The following SPTBN2 variants were observed in gnomAD, a reference collection of about 807,000 sequenced individuals.
The protein encoded by SPTBN2 is spectrin beta chain, non-erythrocytic 2.
In SPTBN2, 107 loss-of-function variants were observed where a neutral mutation model predicts 284.2. That is an observed-to-expected ratio of 0.38 (90% CI 0.32 to 0.44). The LOEUF (loss-of-function observed/expected upper bound fraction) is 0.44. Ranked by LOEUF, SPTBN2 falls within the 20% of genes least tolerant of loss-of-function variation. SPTBN2 has a pLI of 1.00. For synonymous variants in SPTBN2, 1,289 were observed against 1,354.8 expected (o/e 0.95, Z 1.07); for missense variants, 2,569 against 3,287.1 (o/e 0.78, Z 5.34).
Position 66,700,702 on chromosome 11 carries a change from G to C in SPTBN2, c.3397C>G (p.Arg1133Gly), listed in dbSNP as rs200427839. The change falls in exon 17 of 38, where the codon CGG becomes GGG. Residue 1133 changes from arginine to glycine, a missense_variant. Arg to Gly is a moderately radical substitution (Grantham distance 125). Coordinates refer to ENST00000533211, the MANE Select transcript of SPTBN2 (RefSeq NM_006946.4). The surrounding 1 kb of genome is among the most constrained non-coding windows in gnomAD (Gnocchi z 6.6). Reference sequence around the variant, plus strand: ...AGGCACTGGGGGTCAGCCTGGTCCCGGGTCACCTCCTCGCCCAGGGCTCGC... The same window carrying C: ...AGGCACTGGGGGTCAGCCTGGTCCCCGGTCACCTCCTCGCCCAGGGCTCGC... ...RLRALGEEVT[R>G]DQADPQCLFL... The C allele has an allele frequency of 6.2e-7, 1 of 1,605,386 alleles. No individual in the cohort carries two copies.
In SPTBN2 at chr11:66,701,726, G is replaced by A; in HGVS notation, c.2679-5C>T. Reference sequence around the variant, plus strand: ...TCAGGCTCCAGGGTCTCGAACCTGAGAGGGTGGAAGAGCCAGGCGTGAATT... The same window carrying A: ...TCAGGCTCCAGGGTCTCGAACCTGAAAGGGTGGAAGAGCCAGGCGTGAATT... On this transcript the variant is annotated splice_polypyrimidine_tract_variant and splice_region_variant and intron_variant, in intron 15 of 37. Transcript: ENST00000533211. 1 of 1,614,106 alleles carries A rather than the reference G, an allele frequency of 6.2e-7. No homozygotes were observed. The highest frequency in any genetic ancestry group is 8.5e-7 in the Non-Finnish European group (1 of 1,180,034).
chr11:66,691,136 G>A lies in SPTBN2; in HGVS notation c.5565+148C>T. The A allele has an allele frequency of 8.0e-7, 1 of 1,242,826 alleles. No homozygotes were observed. Among genetic ancestry groups the A allele is most frequent in the East Asian group, 2.5e-5 (1 of 39,570 alleles). The allele number at this position is 1,242,826 out of a possible 1,614,324, so 77.0% of individuals were successfully genotyped here. ...CTGGCCAAACAGAGATGTTTTCTTG[G>A]AGCAATTTCCTCATCTCGAAATGGC... is the stretch of plus-strand genomic sequence containing the variant. On this transcript the variant is annotated intron_variant, in intron 27 of 37. Coordinates refer to ENST00000533211, the MANE Select transcript of SPTBN2 (RefSeq NM_006946.4). This position sits in a 1 kb window ranked among gnomAD's most constrained non-coding sequence, Gnocchi z 8.0.
Position 66,687,503 on chromosome 11 carries a change from A to G in SPTBN2, c.6646T>C (p.Ser2216Pro), listed in dbSNP as rs572092639. 1 of 1,611,724 alleles carries G rather than the reference A, an allele frequency of 6.2e-7. No homozygotes were observed. The highest frequency in any genetic ancestry group is 1.3e-5 in the African/African-American group (1 of 75,006). The change falls in exon 35 of 38, where the codon TCT becomes CCT. Residue 2216 changes from serine (S) to proline (P), a missense_variant. Physicochemically the swap from Ser to Pro is moderately conservative, Grantham distance 74 (BLOSUM62 -1). Coordinates refer to ENST00000533211, the MANE Select transcript of SPTBN2 (RefSeq NM_006946.4). This position sits in a 1 kb window ranked among gnomAD's most constrained non-coding sequence, Gnocchi z 5.2. ...ATCCCCTCCATCTGCTCCTGGGCAG[A>G]TGGCTCTGGGCCTCGAGGCGGCAGG... ...ATLPPRGPEP[S>P]AQEQMEGMLC...
intron 20 of SPTBN2, among the ~76,000 whole-genome samples, chr11:66,697,972 G>A (rs759009004): frequency 1.3e-5 from 2 of 152,178 alleles, no homozygotes; most frequent in African/African-American, 4.8e-5. Flanking sequence ...GTGTCTTTTC[G>A]TAGACCCTGC....
rs745791945 is a variant in SPTBN2, at chr11:66,687,848, A to G, written c.6501+20T>C. 1.9e-6 allele frequency: 3 copies of G among 1,613,588 alleles called. No homozygotes were observed. The highest frequency in any genetic ancestry group is 1.7e-5 in the Admixed American group (1 of 59,986). On this transcript the variant is annotated intron_variant, in intron 34 of 37. Transcript: ENST00000533211. This position sits in a 1 kb window ranked among gnomAD's most constrained non-coding sequence, Gnocchi z 5.2. ...CCTTCGCCTCACAGTTATCAACACC[A>G]CACTTGCAGGGGAACTCACCGGCCC...
rs1397765824 is a variant in SPTBN2 at position 66,700,742 on chromosome 11, G to A, written c.3357C>T (p.Ser1119=). ...ALRGEVERAQ[S]EYSRLRALGE... is the part of the protein sequence containing the mutation. ...CCAGGGCTCGCAGCCGGCTATACTC[G>A]CTCTGGGCCCGCTCCACCTCTCCCC... Residue 1119 remains serine (S), a synonymous_variant, in exon 17 of 38, where the codon AGC becomes AGT. Coordinates refer to ENST00000533211, the MANE Select transcript of SPTBN2 (RefSeq NM_006946.4). This position sits in a 1 kb window ranked among gnomAD's most constrained non-coding sequence, Gnocchi z 6.6. 1 of 1,602,972 alleles carries A rather than the reference G, an allele frequency of 6.2e-7. No homozygotes were observed. The highest frequency in any genetic ancestry group is 8.5e-7 in the Non-Finnish European group (1 of 1,179,778).
At chr11:66,688,898 G>A in intron 30 of SPTBN2, 49 bp from the exon 31 acceptor site, 1 of 1,602,590 alleles carries the variant, frequency 6.2e-7, no homozygotes, top group Non-Finnish European at 8.5e-7. Context: ...AGTGGCCACT[G>A]GCAGGGCACA....
In SPTBN2 at chr11:66,687,296, CCT is replaced by C. The variant is rs1446268122; in HGVS notation, c.6722+129_6722+130del. 9 of 1,549,506 alleles carry C rather than the reference CCT, an allele frequency of 5.8e-6. No homozygotes were observed. The highest frequency in any genetic ancestry group is 1.7e-5 in the Admixed American group (1 of 57,840). The stretch of plus-strand genomic sequence containing the variant: ...CGGTCTTCACACCCTCTGGTCCTCC[CCT>C]GAGGCCCCGCTCTGGTCCCAAGTCC... On this transcript the variant is annotated intron_variant, in intron 35 of 37. Transcript: ENST00000533211. This position sits in a 1 kb window ranked among gnomAD's most constrained non-coding sequence, Gnocchi z 5.2.
chr11:66,692,551 G>A lies in SPTBN2; in HGVS notation c.5175C>T (p.Asp1725=). ...VVAASHELGQ[D]YEHVTMLRDK... ...CTACACTCACAGTCACATGCTCGTA[G>A]TCCTGGCCCAGCTCGTGGGAGGCCG... Residue 1725 remains aspartate, a synonymous_variant, in exon 26 of 38, where the codon GAC becomes GAT. Transcript: ENST00000533211. 9 of 1,603,894 alleles carry A rather than the reference G, an allele frequency of 5.6e-6. No homozygotes were observed. Among genetic ancestry groups the A allele is most frequent in the Non-Finnish European group, 7.6e-6 (9 of 1,179,938 alleles).
rs112103337 is a variant in SPTBN2, at chr11:66,718,659, C to A, written c.157+2425G>T. On this transcript the variant is annotated intron_variant, in intron 3 of 37. Coordinates refer to ENST00000533211, the MANE Select transcript of SPTBN2 (RefSeq NM_006946.4). This position sits in a 1 kb window ranked among gnomAD's most constrained non-coding sequence, Gnocchi z 4.8. ...AGTTACAGAGCCCAGGGCCCAGAGT[C>A]CATGCTCCCCGCTGGCAGGGGGCCA... Among the ~76,000 whole-genome samples, 2 of 152,242 alleles carry A rather than the reference C, an allele frequency of 1.3e-5. No homozygotes were observed. Among genetic ancestry groups the A allele is most frequent in the African/African-American group, 4.8e-5 (2 of 41,458 alleles).
At position 66,718,670 on chromosome 11, in the gene SPTBN2, G is replaced by A. The variant is rs549137437; in HGVS notation, c.157+2414C>T. 2.0e-5 allele frequency among the ~76,000 whole-genome samples: 3 copies of A among 152,354 alleles called. No individual in the cohort carries two copies. Among genetic ancestry groups the A allele is most frequent in the South Asian group, 2.1e-4 (1 of 4,830 alleles). On this transcript the variant is annotated intron_variant, in intron 3 of 37. Coordinates refer to ENST00000533211, the MANE Select transcript of SPTBN2 (RefSeq NM_006946.4). This position sits in a 1 kb window ranked among gnomAD's most constrained non-coding sequence, Gnocchi z 4.8. ...CCAGGGCCCAGAGTCCATGCTCCCC[G>A]CTGGCAGGGGGCCAGTTTCTGTTCC...
At chr11:66,689,494 C>G in intron 29 of SPTBN2, 1 of 541,324 alleles carries the variant, frequency 1.8e-6, no homozygotes, top group South Asian at 2.0e-5. Context: ...ACAGCCCAGC[C>G]ACACAACCCA....
In SPTBN2 at chr11:66,689,093, C is replaced by T; in HGVS notation, c.6034+3G>A. 1 of 1,604,894 alleles carries T rather than the reference C, an allele frequency of 6.2e-7. No homozygotes were observed. Among genetic ancestry groups the T allele is most frequent in the East Asian group, 2.2e-5 (1 of 44,646 alleles). On this transcript the variant is annotated splice_donor_region_variant and intron_variant, in intron 30 of 37. Coordinates refer to ENST00000533211, the MANE Select transcript of SPTBN2 (RefSeq NM_006946.4). ...AGGGCCTGGGGCCCCCTTGGCAGCT[C>T]ACCCAGCTGAAGCCAGTCCATCTTC... is the stretch of plus-strand genomic sequence containing the variant.
intron 15 of SPTBN2, among the ~76,000 whole-genome samples, chr11:66,703,422 T>C (rs970493786): frequency 3.3e-5 from 5 of 151,018 alleles, no homozygotes; most frequent in African/African-American, 9.7e-5. Context: ...TGATTACACA[T>C]TGATCATAGA....
rs755304389 is a variant in SPTBN2, at chr11:66,694,228, C to T, written c.4414G>A (p.Ala1472Thr). 6.2e-7 allele frequency: 1 copy of T among 1,614,034 alleles called. No individual in the cohort carries two copies. The highest frequency in any genetic ancestry group is 8.5e-7 in the Non-Finnish European group (1 of 1,180,036). ...TSRAVEEKFR[A>T]LCQPMRERCR... ...CGTTCCCGCATGGGCTGGCACAAGG[C>T]CCTGAACTTCTCCTCCACGGCCCTC... Residue 1472 changes from alanine (A) to threonine (T), a missense_variant, in exon 22 of 38, where the codon GCC becomes ACC. By Grantham distance (58) the Ala-to-Thr change is moderately conservative. Around this residue, in one of 6 missense-constraint regions of SPTBN2, gnomAD observed 1,130 missense variants for 1,317.3 expected, o/e 0.86. Transcript: ENST00000533211.
At position 66,683,008 on chromosome 11, in the gene SPTBN2, C is replaced by T. The variant is rs893761641; in HGVS notation, c.*2863G>A. Among the ~76,000 whole-genome samples the T allele has an allele frequency of 6.6e-6, 1 of 150,694 alleles. No individual in the cohort carries two copies. The highest frequency in any genetic ancestry group is 1.5e-5 in the Non-Finnish European group (1 of 67,892). On this transcript the variant is annotated 3_prime_UTR_variant, in exon 38 of 38. Transcript: ENST00000533211. ...AGCTCAAGTGACCCACTCACCTCGG[C>T]TTCCCAAAGTGCTGGGATTATAAGC...
In SPTBN2 at chr11:66,700,917, A is replaced by C. The variant is rs1325286317; in HGVS notation, c.3182T>G (p.Leu1061Arg). ...GTCCTGCAGCCGCCGCGCCTCCCCC[A>C]GCGACTCTTCTCGACGCCGCATGGT... ...RATMRRREES[L>R]GEARRLQDFL... Residue 1061 changes from leucine to arginine, a missense_variant, in exon 17 of 38, where the codon CTG becomes CGG. By Grantham distance (102) the Leu-to-Arg change is moderately radical. Transcript: ENST00000533211. This position sits in a 1 kb window ranked among gnomAD's most constrained non-coding sequence, Gnocchi z 6.6. 1 of 1,601,678 alleles carries C rather than the reference A, an allele frequency of 6.2e-7. No individual in the cohort carries two copies. The highest frequency in any genetic ancestry group is 8.5e-7 in the Non-Finnish European group (1 of 1,179,830).
chr11:66,689,065 C>G (rs1220142841), intron 30 of SPTBN2, 31 bp downstream of exon 30: 1 of 1,587,190 alleles, frequency 6.3e-7, no homozygotes, highest in East Asian at 2.3e-5. Flanking sequence ...CCCCACTCCC[C>G]ACAGGGCCTG....
intron 20 of SPTBN2, among the ~76,000 whole-genome samples, chr11:66,697,803 G>T (rs1420170908): frequency 6.6e-6 from 1 of 152,148 alleles, no homozygotes; most frequent in African/African-American, 2.4e-5. Flanking sequence ...TTCCTTCAGG[G>T]TGGAGCCTAC....
Sources: allele counts gnomAD v4.1 joint callset (sites outside exome capture counted in the v4.1 genomes callset), GRCh38; gene constraint gnomAD v4.1.1; regional missense constraint gnomAD v4.1.1; non-coding constraint Gnocchi (gnomAD v3.1); transcripts MANE v1.5; gene names NCBI Gene and HGNC (gene_info 2026-07-23, HGNC 2026-07-21).